Variants in PGBD5 observed in about 807,000 individuals in gnomAD.
The protein encoded by PGBD5 is piggyBac transposable element-derived protein 5.
PGBD5 carries 14 observed loss-of-function variants against 47.9 expected under a neutral mutation model. That is an observed-to-expected ratio of 0.29 (90% CI 0.19 to 0.46). The LOEUF is 0.46. PGBD5 is among the 20% of genes least tolerant of loss of function. The pLI is 1.00. For synonymous variants in PGBD5, 316 were observed against 306.3 expected, an observed-to-expected ratio of 1.03 and a Z score of -0.33; for missense variants, 635 against 716.0, an observed-to-expected ratio of 0.89 and a Z score of 1.29.
chr1:230,404,629 AATATAT>A lies in PGBD5; in HGVS notation c.331+20963_331+20968del, dbSNP rs1231804089. Reference sequence around the variant, plus strand: ...CTTGTCTCAAAAAAAAAAAAAAAAAAATATATATATATATATATATGGCCTGGCAAG... The same window carrying A: ...CTTGTCTCAAAAAAAAAAAAAAAAAAATATATATATATATGGCCTGGCAAG... On this transcript the variant is annotated intron_variant, in intron 1 of 6. Transcript: ENST00000391860. Among the ~76,000 whole-genome samples the A allele has an allele frequency of 7.6e-3, 823 of 108,454 alleles. 25 individuals are homozygous for A. The highest frequency in any genetic ancestry group is 0.069 in the Admixed American group (643 of 9,356). 71.2% of individuals were successfully genotyped at this position (108,454 alleles called of 152,430 possible). A position where few individuals can be genotyped will look rare whatever the true frequency, so the allele number is the denominator to read the frequency against.
intron 1 of PGBD5, chr1:230,377,383 T>G: frequency 2.5e-6 from 3 of 1,181,502 alleles, no homozygotes; most frequent in Non-Finnish European, 3.7e-6. Context: ...CATCAACACG[T>G]GATAAATCCT....
intron 1 of PGBD5, among the ~76,000 whole-genome samples, chr1:230,406,104 C>T (rs60639477): frequency 0.071 from 10,723 of 151,956 alleles, 708 homozygotes; most frequent in East Asian, 0.27. Flanking sequence ...GTCAGGAAAT[C>T]GAGACCATCC....
At chr1:230,351,477 C>A (rs777157623) in intron 2 of PGBD5, among the ~76,000 whole-genome samples, 1 of 152,202 alleles carries the variant, frequency 6.6e-6, no homozygotes, top group African/African-American at 2.4e-5. Flanking sequence ...TGGGCACCCA[C>A]TTCTTTTCAT....
At chr1:230,343,573 C>T (rs533475416) in intron 3 of PGBD5, among the ~76,000 whole-genome samples, 2 of 152,342 alleles carry the variant, frequency 1.3e-5, no homozygotes, top group East Asian at 3.9e-4. Context: ...CCATCCTCAA[C>T]TTACCGTGTC....
At chr1:230,414,485 T>C (rs1457064030) in intron 1 of PGBD5, among the ~76,000 whole-genome samples, 2 of 152,224 alleles carry the variant, frequency 1.3e-5, no homozygotes, top group African/African-American at 2.4e-5. Flanking sequence ...ACCGAGTCTA[T>C]ACATTTATAA....
rs1491150494 is a variant in PGBD5, at chr1:230,316,188, G to GTA, written c.*7236_*7237insTA. ...TGTATACATACATACGTACACATGT[G>GTA]CATGTGTATACATACATATGTACAC... On this transcript the variant is annotated 3_prime_UTR_variant, in exon 7 of 7. Transcript: ENST00000391860. The GTA allele has an allele frequency of 2.0e-4, 8 of 39,464 alleles. 1 individual carries two copies. The highest frequency in any genetic ancestry group is 4.5e-4 in the Admixed American group (2 of 4,426). 2.4% of individuals were successfully genotyped at this position (39,464 alleles called of 1,614,324 possible). A position where few individuals can be genotyped will look rare whatever the true frequency, so the allele number is the denominator to read the frequency against.
chr1:230,397,598 C>A (rs1171080701), intron 1 of PGBD5, among the ~76,000 whole-genome samples: 1 of 152,188 alleles, frequency 6.6e-6, no homozygotes, highest in Non-Finnish European at 1.5e-5. Flanking sequence ...ATTTTAATTA[C>A]CCAAAGATGT....
At position 230,425,106 on chromosome 1, in the gene PGBD5, T is replaced by G. The variant is rs1024630658; in HGVS notation, c.331+492A>C. ...CTAAGCCAAGTCAAGACGCCGCGGG[T>G]GGCCTCTCTCTCAACTCTCACTGGG... On this transcript the variant is annotated intron_variant, in intron 1 of 6. Coordinates refer to ENST00000391860, the MANE Select transcript of PGBD5 (RefSeq NM_001258311.2). This position sits in a 1 kb window ranked among gnomAD's most constrained non-coding sequence, Gnocchi z 4.7. Among the ~76,000 whole-genome samples the G allele has an allele frequency of 4.0e-5, 6 of 151,630 alleles. No individual in the cohort carries two copies. The highest frequency in any genetic ancestry group is 1.5e-4 in the African/African-American group (6 of 41,276).
chr1:230,396,489 G>C (rs1253916047), intron 1 of PGBD5, among the ~76,000 whole-genome samples: 10 of 128,024 alleles, frequency 7.8e-5, no homozygotes, highest in African/African-American at 3.1e-4. Context: ...CGCAGCCAGG[G>C]TCCTCCTCCA....
At chr1:230,396,893 G>A (rs1023212676) in intron 1 of PGBD5, among the ~76,000 whole-genome samples, 2 of 152,142 alleles carry the variant, frequency 1.3e-5, no homozygotes, top group African/African-American at 4.8e-5. Flanking sequence ...AAGGTGCTAT[G>A]TACAATGGCC....
intron 5 of PGBD5, among the ~76,000 whole-genome samples, chr1:230,326,621 G>C (rs1362590230): frequency 6.6e-6 from 1 of 152,024 alleles, no homozygotes; most frequent in African/African-American, 2.4e-5. Context: ...ACCATGCCCA[G>C]CTAATTAAAA....
intron 6 of PGBD5, among the ~76,000 whole-genome samples, chr1:230,324,819 CAT>C (rs1405611439): frequency 3.3e-5 from 5 of 152,298 alleles, no homozygotes; most frequent in African/African-American, 4.8e-5. Flanking sequence ...GTATATTGAA[CAT>C]GAGACCACAT....
intron 1 of PGBD5, among the ~76,000 whole-genome samples, chr1:230,376,448 C>T (rs1668016445): frequency 6.6e-6 from 1 of 151,954 alleles, no homozygotes; most frequent in African/African-American, 2.4e-5. Context: ...GCTAGAGTGG[C>T]TGAGTGGATT....
At chr1:230,325,150 C>T (rs1029902367) in intron 6 of PGBD5, among the ~76,000 whole-genome samples, 160 bp downstream of exon 6, 3 of 152,154 alleles carry the variant, frequency 2.0e-5, no homozygotes, top group Admixed American at 6.5e-5. Flanking sequence ...TGTGCACAGG[C>T]GAGGCCCAGA....
Position 230,425,036 on chromosome 1 carries a change from C to G in PGBD5, c.331+562G>C, listed in dbSNP as rs1657741345. On this transcript the variant is annotated intron_variant, in intron 1 of 6. Coordinates refer to ENST00000391860, the MANE Select transcript of PGBD5 (RefSeq NM_001258311.2). This position sits in a 1 kb window ranked among gnomAD's most constrained non-coding sequence, Gnocchi z 4.7. The stretch of plus-strand genomic sequence containing the variant: ...CTCCTCCCCATTCTTAACAAGAGAT[C>G]TGGAATGGCGCGGACAGGGAAAGTT... Among the ~76,000 whole-genome samples the G allele has an allele frequency of 6.6e-6, 1 of 152,178 alleles. No homozygotes were observed. Among genetic ancestry groups the G allele is most frequent in the Admixed American group, 6.5e-5 (1 of 15,286 alleles).
At chr1:230,415,448 G>A (rs1223895910) in intron 1 of PGBD5, among the ~76,000 whole-genome samples, 1 of 152,094 alleles carries the variant, frequency 6.6e-6, no homozygotes. Context: ...TTCCCTATCT[G>A]GTTACTCCTA....
intron 5 of PGBD5, among the ~76,000 whole-genome samples, chr1:230,326,089 C>T (rs538376263): frequency 1.3e-5 from 2 of 152,282 alleles, no homozygotes; most frequent in South Asian, 2.1e-4. Context: ...CTATGTGCCC[C>T]GTGAAAATGT....
At chr1:230,421,328 C>A (rs1294579011) in intron 1 of PGBD5, among the ~76,000 whole-genome samples, 1 of 152,026 alleles carries the variant, frequency 6.6e-6, no homozygotes, top group African/African-American at 2.4e-5. Context: ...AAACTAAAAG[C>A]AATTCATGTA....
chr1:230,350,119 G>A (rs762049980), intron 3 of PGBD5, among the ~76,000 whole-genome samples: 1 of 152,250 alleles, frequency 6.6e-6, no homozygotes, highest in African/African-American at 2.4e-5. Context: ...CTGGAGATGC[G>A]GTCAAGCGAG....
Sources: gnomAD v4.1 joint callset for allele counts (sites outside exome capture counted in the v4.1 genomes callset) on GRCh38, gnomAD v4.1.1 for gene constraint, Gnocchi (gnomAD v3.1) non-coding constraint, MANE v1.5 for transcripts, NCBI Gene and HGNC (gene_info 2026-07-23, HGNC 2026-07-21) for gene names.